AJM1: variants seen among roughly 807,000 people sequenced by gnomAD.
The protein encoded by AJM1 is uncharacterized protein C9orf172.
A neutral mutation model predicts 43.0 loss-of-function variants in AJM1; 22 were observed. The observed-to-expected ratio is 0.51, with a 90% CI of 0.37 to 0.73. The LOEUF (loss-of-function observed/expected upper bound fraction) is 0.73. Among genes scored for constraint, AJM1 ranks in the 30% least tolerant of loss-of-function variants. The probability of loss-of-function intolerance (pLI) is 0.00; values close to 1 mark genes in which losing one functional copy is unlikely to be tolerated. For synonymous variants in AJM1, 719 were observed against 638.3 expected, an observed-to-expected ratio of 1.13 and a Z score of -1.91; for missense variants, 1,305 against 1,343.3, an observed-to-expected ratio of 0.97 and a Z score of 0.45.
chr9:136,843,544 G>A (rs1214936674), intron 1 of AJM1, among the ~76,000 whole-genome samples: 1 of 152,206 alleles, frequency 6.6e-6, no homozygotes, highest in African/African-American at 2.4e-5. Flanking sequence ...GCAAACCCTA[G>A]GGGGGTGTCC....
rs1432993760 is a variant in AJM1, at chr9:136,848,475, T to A, written c.*1130T>A. On this transcript the variant is annotated 3_prime_UTR_variant, in exon 3 of 3. Transcript: ENST00000436881. ...GCCCAGAGCTCTCTGGAGGGTGGGG[T>A]ATGCGGGAGAGGGGTGGAGGCCAAA... 4 of 152,092 alleles carry A rather than the reference T, an allele frequency of 2.6e-5. No homozygotes were observed. Among genetic ancestry groups the A allele is most frequent in the Non-Finnish European group, 5.9e-5 (4 of 68,040 alleles). 9.4% of individuals were successfully genotyped at this position (152,092 alleles called of 1,614,324 possible).
rs1271724787 is a variant in AJM1 at position 136,845,630 on chromosome 9, C to T, written c.1216C>T (p.Pro406Ser). 6.3e-7 allele frequency: 1 copy of T among 1,578,080 alleles called. No individual in the cohort carries two copies. Among genetic ancestry groups the T allele is most frequent in the Admixed American group, 1.8e-5 (1 of 56,792 alleles). ...CAGCCCGGCCTGGGCGGACTGGGGC[C>T]CGCGACCGTACCGCACCCTGCAAGT... ...RSSPAWADWGPRPYRTLQVVP... is the reference protein window; with the variant it reads ...RSSPAWADWGSRPYRTLQVVP... The change falls in exon 3 of 3, where the codon CCG (proline) becomes TCG (serine). Residue 406 changes from proline (P) to serine (S), a missense_variant. By Grantham distance (74) the Pro-to-Ser change is moderately conservative. This residue lies in a region of AJM1 where 653 missense variants were observed against 549.1 expected (regional missense o/e 1.19). Transcript: ENST00000436881.
Position 136,846,994 on chromosome 9 carries a change from G to A in AJM1, c.2580G>A (p.Pro860=), listed in dbSNP as rs1564379176. 1 of 1,218,644 alleles carries A rather than the reference G, an allele frequency of 8.2e-7. No homozygotes were observed. The highest frequency in any genetic ancestry group is 1.1e-6 in the Non-Finnish European group (1 of 928,270). 75.5% of individuals were successfully genotyped at this position (1,218,644 alleles called of 1,614,324 possible). A position where few individuals can be genotyped will look rare whatever the true frequency, so the allele number is the denominator to read the frequency against. Residue 860 remains proline (P), a synonymous_variant, in exon 3 of 3, where the codon CCG becomes CCA. Coordinates refer to ENST00000436881, the MANE Select transcript of AJM1 (RefSeq NM_001080482.5). The stretch of plus-strand genomic sequence containing the variant: ...TGGCGGCCGGCAGCCCCGCGCGGCC[G>A]CCCCCGGCGCGGAGCCGCGAGCCCG... ...VALAAGSPAR[P]PPARSREPDM...
Position 136,845,944 on chromosome 9 carries a change from G to A in AJM1, c.1530G>A (p.Glu510=). The A allele has an allele frequency of 6.4e-7, 1 of 1,553,632 alleles. No individual in the cohort carries two copies. The highest frequency in any genetic ancestry group is 8.7e-7 in the Non-Finnish European group (1 of 1,149,842). ...PRRYAALSLS[E]TSLTEKGRAG... ...GCTACGCCGCACTGTCCCTGTCCGA[G>A]ACGTCGCTGACGGAGAAGGGCCGCG... Residue 510 remains glutamate (E), a synonymous_variant, in exon 3 of 3, where the codon GAG becomes GAA. Transcript: ENST00000436881.
At position 136,845,829 on chromosome 9, in the gene AJM1, TGCTGGGGC is replaced by T; in HGVS notation, c.1418_1425del (p.Leu473ArgfsTer62). The T allele has an allele frequency of 3.8e-6, 6 of 1,562,296 alleles. No individual in the cohort carries two copies. The highest frequency in any genetic ancestry group is 5.2e-6 in the Non-Finnish European group (6 of 1,157,490). ...GGCCGCGGCCGCAGCTACGAGAACCTGCTGGGGCGCGAGGTGCGGGAGCCGCGAGGCGT... is the reference window on the plus strand; with the variant it reads ...GGCCGCGGCCGCAGCTACGAGAACCTGCGAGGTGCGGGAGCCGCGAGGCGT... On this transcript the variant is annotated frameshift_variant, in exon 3 of 3. Transcript: ENST00000436881. LOFTEE classifies it high-confidence loss of function.
At position 136,844,259 on chromosome 9, in the gene AJM1, G is replaced by C. The variant is rs1394112168; in HGVS notation, c.-80G>C. ...TCGGCCCAGGCCCGCAGCCAGGGCT[G>C]CTCCGCCCGCTGCGCCCCAGGTAAG... On this transcript the variant is annotated 5_prime_UTR_variant, in exon 2 of 3. Coordinates refer to ENST00000436881, the MANE Select transcript of AJM1 (RefSeq NM_001080482.5). 1.3e-5 allele frequency among the ~76,000 whole-genome samples: 2 copies of C among 152,218 alleles called. No individual in the cohort carries two copies. Among genetic ancestry groups the C allele is most frequent in the Non-Finnish European group, 2.9e-5 (2 of 68,042 alleles).
chr9:136,844,793 G>A lies in AJM1; in HGVS notation c.379G>A (p.Glu127Lys). ...GREAQRAARA[E>K]ASPRREPAYP... ...GGAGGCCCAGCGTGCGGCGCGGGCC[G>A]AGGCATCGCCGCGCCGGGAGCCCGC... The change falls in exon 3 of 3, where the codon GAG becomes AAG. Residue 127 changes from glutamate (E) to lysine (K), a missense_variant. Around this residue, in one of 6 missense-constraint regions of AJM1, gnomAD observed 653 missense variants for 549.1 expected, o/e 1.19. Coordinates refer to ENST00000436881, the MANE Select transcript of AJM1 (RefSeq NM_001080482.5). The A allele has an allele frequency of 8.0e-6, 2 of 249,654 alleles. No homozygotes were observed. Among genetic ancestry groups the A allele is most frequent in the Non-Finnish European group, 1.3e-5 (2 of 151,528 alleles). The allele number at this position is 249,654 out of a possible 1,614,324, so 15.5% of individuals were successfully genotyped here. A position where few individuals can be genotyped will look rare whatever the true frequency, so the allele number is the denominator to read the frequency against.
chr9:136,845,615 T>C lies in AJM1; in HGVS notation c.1201T>C (p.Trp401Arg). 6.3e-7 allele frequency: 1 copy of C among 1,579,710 alleles called. No individual in the cohort carries two copies. Among genetic ancestry groups the C allele is most frequent in the Non-Finnish European group, 8.6e-7 (1 of 1,168,910 alleles). ...TYPHPRSSPAWADWGPRPYRT... is the reference protein window; with the variant it reads ...TYPHPRSSPARADWGPRPYRT... ...CCCGCACCCGCGCAGCAGCCCGGCC[T>C]GGGCGGACTGGGGCCCGCGACCGTA... Residue 401 changes from tryptophan (W) to arginine (R), a missense_variant, in exon 3 of 3, where the codon TGG becomes CGG. By Grantham distance (101) the Trp-to-Arg change is moderately radical (BLOSUM62 -3). Coordinates refer to ENST00000436881, the MANE Select transcript of AJM1 (RefSeq NM_001080482.5).
In AJM1 at chr9:136,845,224, G is replaced by T; in HGVS notation, c.810G>T (p.Leu270=). 1 of 1,594,978 alleles carries T rather than the reference G, an allele frequency of 6.3e-7. No homozygotes were observed. The highest frequency in any genetic ancestry group is 8.5e-7 in the Non-Finnish European group (1 of 1,177,000). The part of the protein sequence containing the change: ...GPRDYAERRS[L]PFTTPPGPTQ... Reference sequence around the variant, plus strand: ...GGGACTACGCCGAGCGCCGCAGTCTGCCCTTCACCACCCCGCCGGGCCCCA... The same window carrying T: ...GGGACTACGCCGAGCGCCGCAGTCTTCCCTTCACCACCCCGCCGGGCCCCA... The change falls in exon 3 of 3, where the codon CTG becomes CTT. Residue 270 remains leucine (L), a synonymous_variant. Transcript: ENST00000436881.
chr9:136,845,061 C>A lies in AJM1; in HGVS notation c.647C>A (p.Ala216Asp). Residue 216 changes from alanine to aspartate, a missense_variant, in exon 3 of 3, where the codon GCC (alanine) becomes GAC (aspartate). Physicochemically the swap from Ala to Asp is moderately radical, Grantham distance 126 (BLOSUM62 -2). Transcript: ENST00000436881. ...SCGPTEAAHWARPAPQFHGLT... is the reference protein window; with the variant it reads ...SCGPTEAAHWDRPAPQFHGLT... Reference sequence around the variant, plus strand: ...GGGCCCACCGAGGCCGCGCACTGGGCCCGCCCCGCCCCGCAGTTCCACGGC... The same window carrying A: ...GGGCCCACCGAGGCCGCGCACTGGGACCGCCCCGCCCCGCAGTTCCACGGC... 2 of 996,540 alleles carry A rather than the reference C, an allele frequency of 2.0e-6. No individual in the cohort carries two copies. The highest frequency in any genetic ancestry group is 3.0e-6 in the Non-Finnish European group (2 of 664,500). The allele number at this position is 996,540 out of a possible 1,614,324, so 61.7% of individuals were successfully genotyped here. A position where few individuals can be genotyped will look rare whatever the true frequency, so the allele number is the denominator to read the frequency against.
At chr9:136,844,326 G>A (rs1416420691) in intron 2 of AJM1, 30 bp from the exon 3 acceptor site, 97 of 1,120,508 alleles carry the variant, frequency 8.7e-5, no homozygotes, top group Non-Finnish European at 1.2e-4. Context: ...GGCTGCGGAG[G>A]GGGCCGCCCT....
In AJM1 at chr9:136,845,529, G is replaced by A. The variant is rs1238015889; in HGVS notation, c.1115G>A (p.Arg372His). 6.3e-7 allele frequency: 1 copy of A among 1,596,930 alleles called. No homozygotes were observed. Among genetic ancestry groups the A allele is most frequent in the Non-Finnish European group, 8.5e-7 (1 of 1,172,906 alleles). ...GAGCCCCGGGCCCACTCCACCGCCC[G>A]CCCCTTTTACACGGAGGACTTCGGA... The part of the protein sequence containing the change: ...PEEPRAHSTA[R>H]PFYTEDFGRY... Residue 372 changes from arginine to histidine, a missense_variant, in exon 3 of 3, where the codon CGC becomes CAC. Transcript: ENST00000436881.
intron 1 of AJM1, among the ~76,000 whole-genome samples, chr9:136,843,741 C>T (rs1182309179): frequency 1.8e-4 from 27 of 152,124 alleles, no homozygotes. Flanking sequence ...GGGGGCGGGG[C>T]TCTGTGCTCG....
rs1300467057 is a variant in AJM1, at chr9:136,847,670, C to A, written c.*325C>A. On this transcript the variant is annotated 3_prime_UTR_variant, in exon 3 of 3. Coordinates refer to ENST00000436881, the MANE Select transcript of AJM1 (RefSeq NM_001080482.5). ...TCGAGGATCCCCAGAAGAAGTCGGT[C>A]CTCGCCCTCGGTGCTCCCCGCTGGG... The A allele has an allele frequency of 1.2e-5, 4 of 324,378 alleles. No homozygotes were observed. In the Admixed American group the frequency reaches 1.5e-4, roughly 12 times the overall value. The allele number at this position is 324,378 out of a possible 1,614,324, so 20.1% of individuals were successfully genotyped here.
At position 136,845,456 on chromosome 9, in the gene AJM1, G is replaced by T; in HGVS notation, c.1042G>T (p.Ala348Ser). 1.2e-6 allele frequency: 2 copies of T among 1,610,126 alleles called. No homozygotes were observed. The highest frequency in any genetic ancestry group is 1.7e-6 in the Non-Finnish European group (2 of 1,179,062). Residue 348 changes from alanine (A) to serine (S), a missense_variant, in exon 3 of 3, where the codon GCT becomes TCT. Ala to Ser is a moderately conservative substitution (Grantham distance 99). Coordinates refer to ENST00000436881, the MANE Select transcript of AJM1 (RefSeq NM_001080482.5). ...EPPSRSYYGE[A>S]PRAYGLPYGP... Reference sequence around the variant, plus strand: ...GCCCTCCCGCTCCTACTATGGGGAGGCTCCACGAGCCTACGGCCTGCCCTA... The same window carrying T: ...GCCCTCCCGCTCCTACTATGGGGAGTCTCCACGAGCCTACGGCCTGCCCTA...
In AJM1 at chr9:136,845,207, G is replaced by A. The variant is rs745988535; in HGVS notation, c.793G>A (p.Ala265Thr). 33 of 1,589,064 alleles carry A rather than the reference G, an allele frequency of 2.1e-5. No individual in the cohort carries two copies. The highest frequency in any genetic ancestry group is 2.7e-5 in the Non-Finnish European group (32 of 1,175,306). ...DGPLPGPRDY[A>T]ERRSLPFTTP... ...GCCCCTGCCTGGGCCCCGGGACTAC[G>A]CCGAGCGCCGCAGTCTGCCCTTCAC... The change falls in exon 3 of 3, where the codon GCC becomes ACC. Residue 265 changes from alanine to threonine, a missense_variant. This residue lies in a region of AJM1 where 653 missense variants were observed against 549.1 expected (regional missense o/e 1.19). Coordinates refer to ENST00000436881, the MANE Select transcript of AJM1 (RefSeq NM_001080482.5).
rs1848767120 is a variant in AJM1 at position 136,845,877 on chromosome 9, G to T, written c.1463G>T (p.Arg488Leu). The T allele has an allele frequency of 6.4e-6, 10 of 1,558,692 alleles. No individual in the cohort carries two copies. The highest frequency in any genetic ancestry group is 2.1e-4 in the Middle Eastern group (1 of 4,870). ...CCGCGAGGCGTGTCCCCCGAAGGCC[G>T]GCGCCCGCCCGTCGTCGTGAACCTG... ...REPRGVSPEG[R>L]RPPVVVNLST... The change falls in exon 3 of 3, where the codon CGG becomes CTG. Residue 488 changes from arginine (R) to leucine (L), a missense_variant. Arg to Leu is a moderately radical substitution (Grantham distance 102, BLOSUM62 -2). Coordinates refer to ENST00000436881, the MANE Select transcript of AJM1 (RefSeq NM_001080482.5).
Position 136,848,336 on chromosome 9 carries a change from C to G in AJM1, c.*991C>G, listed in dbSNP as rs1006702176. The G allele has an allele frequency of 6.6e-6, 1 of 152,358 alleles. No homozygotes were observed. Among genetic ancestry groups the G allele is most frequent in the Non-Finnish European group, 1.5e-5 (1 of 68,128 alleles). 9.4% of individuals were successfully genotyped at this position (152,358 alleles called of 1,614,324 possible). On this transcript the variant is annotated 3_prime_UTR_variant, in exon 3 of 3. Coordinates refer to ENST00000436881, the MANE Select transcript of AJM1 (RefSeq NM_001080482.5). ...TGGAAGCCCACCCGAGGGGGCTTGA[C>G]CTGTCCCGAGAGGTCCCCGCACACC...
intron 1 of AJM1, among the ~76,000 whole-genome samples, chr9:136,843,737 G>A (rs928173593): frequency 2.0e-5 from 3 of 152,142 alleles, no homozygotes; most frequent in Non-Finnish European, 2.9e-5. Flanking sequence ...TGCTGGGGGC[G>A]GGGCTCTGTG....
Sources: allele counts gnomAD v4.1 joint callset (sites outside exome capture counted in the v4.1 genomes callset), GRCh38; gene constraint gnomAD v4.1.1; regional missense constraint gnomAD v4.1.1; transcripts MANE v1.5; gene names NCBI Gene and HGNC (gene_info 2026-07-23, HGNC 2026-07-21).